Variants in BZW2 observed in about 807,000 individuals in gnomAD.
The protein encoded by BZW2 is basic leucine zipper and W2 domains 2, also known as eIF5-mimic protein 1.
BZW2 carries 23 observed loss-of-function variants against 53.2 expected under a neutral mutation model. The ratio of observed to expected loss-of-function variants is 0.43; its 90% confidence interval spans 0.31 to 0.61. The LOEUF (loss-of-function observed/expected upper bound fraction) is 0.61, where lower values mean the gene tolerates loss of function less well. BZW2 is among the 20% of genes least tolerant of loss of function. The probability of loss-of-function intolerance (pLI) is 0.09; values close to 1 mark genes in which losing one functional copy is unlikely to be tolerated. For synonymous variants in BZW2, 227 were observed against 186.4 expected (o/e 1.22, Z -1.77); for missense variants, 409 against 503.1 (o/e 0.81, Z 1.79).
chr7:16,703,052 C>G (rs1783718007), intron 10 of BZW2, among the ~76,000 whole-genome samples: 1 of 152,166 alleles, frequency 6.6e-6, no homozygotes, highest in Admixed American at 6.5e-5. Flanking sequence ...CAGTCTTACA[C>G]AATAACAGGT....
intron 1 of BZW2, among the ~76,000 whole-genome samples, chr7:16,655,787 T>G (rs1782106555): frequency 6.6e-6 from 1 of 152,176 alleles, no homozygotes; most frequent in Admixed American, 6.5e-5. Flanking sequence ...CCCAAAGTGC[T>G]GGGATTACAG....
At chr7:16,687,701 A>G (rs1783169201) in intron 6 of BZW2, 2 of 152,208 alleles carry the variant, frequency 1.3e-5, no homozygotes, top group Non-Finnish European at 2.9e-5. Flanking sequence ...AGCCTGGGCA[A>G]CAGAGAAAGA....
At chr7:16,664,392 C>A (rs962666761) in intron 1 of BZW2, among the ~76,000 whole-genome samples, 7 of 152,190 alleles carry the variant, frequency 4.6e-5, no homozygotes, top group Non-Finnish European at 5.9e-5. Flanking sequence ...TCAGAGAAGA[C>A]CTCCATTTTC....
intron 7 of BZW2, among the ~76,000 whole-genome samples, chr7:16,691,891 T>A (rs1357132578): frequency 6.6e-6 from 1 of 152,164 alleles, no homozygotes; most frequent in Non-Finnish European, 1.5e-5. Flanking sequence ...TGTGTGTGTG[T>A]GTGTGTGTGT....
intron 1 of BZW2, among the ~76,000 whole-genome samples, chr7:16,651,007 T>A (rs1041514006): frequency 6.6e-6 from 1 of 152,226 alleles, no homozygotes; most frequent in South Asian, 2.1e-4. Flanking sequence ...GGTGTTTCCA[T>A]TGATGTTTTT....
chr7:16,667,524 T>A (rs1427455979), intron 2 of BZW2, among the ~76,000 whole-genome samples: 1 of 152,214 alleles, frequency 6.6e-6, no homozygotes, highest in Non-Finnish European at 1.5e-5. Flanking sequence ...CTAAGCAGCC[T>A]GTGTTCTCTT....
At chr7:16,705,686 A>G (rs1361488791) in intron 11 of BZW2, among the ~76,000 whole-genome samples, 6 of 146,912 alleles carry the variant, frequency 4.1e-5, no homozygotes, top group Non-Finnish European at 9.0e-5. Flanking sequence ...CTCCATCTCA[A>G]AAAAAAAAAA....
intron 3 of BZW2, among the ~76,000 whole-genome samples, chr7:16,680,767 C>A (rs538550407): frequency 6.6e-6 from 1 of 152,014 alleles, no homozygotes; most frequent in East Asian, 1.9e-4. Flanking sequence ...CATAATTGCA[C>A]CACTGCACTC....
intron 1 of BZW2, among the ~76,000 whole-genome samples, chr7:16,653,604 A>G (rs1051513566): frequency 1.1e-4 from 16 of 152,164 alleles, no homozygotes; most frequent in Admixed American, 5.9e-4. Context: ...CTCCTCTACT[A>G]TGTAAAGCTC....
At chr7:16,674,328 A>G in intron 2 of BZW2, 84 bp from the exon 3 acceptor site, 2 of 1,084,114 alleles carry the variant, frequency 1.8e-6, no homozygotes, top group Non-Finnish European at 2.5e-6. Flanking sequence ...CCTATCTTAG[A>G]TAAAATAGAA....
intron 1 of BZW2, chr7:16,662,301 C>T (rs1223782361): frequency 6.6e-6 from 1 of 152,098 alleles, no homozygotes; most frequent in Non-Finnish European, 1.5e-5. Context: ...ATACCAAAGT[C>T]TTTGCATACA....
chr7:16,672,553 A>G (rs962310262), intron 2 of BZW2, among the ~76,000 whole-genome samples: 2 of 151,616 alleles, frequency 1.3e-5, no homozygotes, highest in Non-Finnish European at 2.9e-5. Flanking sequence ...CTGTGATACA[A>G]TTTTTTCTTT....
In BZW2 at chr7:16,682,806, T is replaced by C. The variant is rs924061103; in HGVS notation, c.366T>C (p.Tyr122=). The change falls in exon 5 of 12, where the codon TAT becomes TAC. Residue 122 remains tyrosine, a synonymous_variant. Transcript: ENST00000258761. ...TCTTCAATAAACTCATCAGGAGATATAAGTATTTGGAGAAGGCATTTGAAG... is the reference window on the plus strand; with the variant it reads ...TCTTCAATAAACTCATCAGGAGATACAAGTATTTGGAGAAGGCATTTGAAG... ...AQVFNKLIRR[Y]KYLEKAFEDE... The C allele has an allele frequency of 6.3e-7, 1 of 1,582,888 alleles. No individual in the cohort carries two copies. Among genetic ancestry groups the C allele is most frequent in the Non-Finnish European group, 8.6e-7 (1 of 1,159,762 alleles).
Position 16,674,493 on chromosome 7 carries a change from C to G in BZW2, c.140C>G (p.Ala47Gly). The change falls in exon 3 of 12, where the codon GCT (alanine) becomes GGT (glycine). Residue 47 changes from alanine (A) to glycine (G), a missense_variant. By Grantham distance (60) the Ala-to-Gly change is moderately conservative (BLOSUM62 0). Around this residue, in one of 3 missense-constraint regions of BZW2, gnomAD observed 316 missense variants for 366.8 expected, o/e 0.86. Transcript: ENST00000258761. ...GLNEAGDDLE[A>G]VAKFLDSTGS... ...AATGAGGCTGGTGATGACCTTGAAG[C>G]TGTAGCCAAATTTCTGGACTCTACA... The G allele has an allele frequency of 6.2e-7, 1 of 1,613,692 alleles. No individual in the cohort carries two copies. Among genetic ancestry groups the G allele is most frequent in the Non-Finnish European group, 8.5e-7 (1 of 1,179,730 alleles).
intron 1 of BZW2, among the ~76,000 whole-genome samples, chr7:16,648,474 C>G (rs1052031326): frequency 6.6e-6 from 1 of 152,166 alleles, no homozygotes. Context: ...TTGTATGTGT[C>G]CTCTCATATC....
chr7:16,700,147 A>C (rs796908355), intron 10 of BZW2, among the ~76,000 whole-genome samples: 1 of 152,204 alleles, frequency 6.6e-6, no homozygotes, highest in Non-Finnish European at 1.5e-5. Flanking sequence ...AACCTAAAAC[A>C]CATCACTGAA....
Position 16,646,222 on chromosome 7 carries a change from T to C in BZW2, c.-74T>C, listed in dbSNP as rs1051842920. 3.2e-5 allele frequency: 11 copies of C among 344,388 alleles called. No individual in the cohort carries two copies. Among genetic ancestry groups the C allele is most frequent in the Non-Finnish European group, 6.5e-5 (11 of 168,644 alleles). The allele number at this position is 344,388 out of a possible 1,614,324, so 21.3% of individuals were successfully genotyped here. The stretch of plus-strand genomic sequence containing the variant: ...CCGCCACTGCTGCTGCTGCTGCTGC[T>C]GCCGCTGCTGCTGCACGAATCGCCG... On this transcript the variant is annotated 5_prime_UTR_variant, in exon 1 of 12. Coordinates refer to ENST00000258761, the MANE Select transcript of BZW2 (RefSeq NM_014038.3).
Position 16,704,638 on chromosome 7 carries a change from A to G in BZW2, c.1200A>G (p.Lys400=). ...GTGTTTTTCTTGACCAGATGAAGAA[A>G]TTTGTTGAGTGGTTACAAAATGCAG... The part of the protein sequence containing the change: ...GKSVFLDQMK[K]FVEWLQNAEE... The change falls in exon 11 of 12, where the codon AAA becomes AAG. Residue 400 remains lysine, a synonymous_variant. Transcript: ENST00000258761. 2 of 1,591,766 alleles carry G rather than the reference A, an allele frequency of 1.3e-6. No individual in the cohort carries two copies. The highest frequency in any genetic ancestry group is 1.7e-6 in the Non-Finnish European group (2 of 1,163,128).
intron 11 of BZW2, among the ~76,000 whole-genome samples, 184 bp from the exon 12 acceptor site, chr7:16,705,876 G>A (rs892339175): frequency 2.6e-5 from 4 of 151,690 alleles, no homozygotes; most frequent in African/African-American, 9.7e-5. Context: ...CAAAATTTAC[G>A]TGAAAGCAGA....
Sources: allele counts gnomAD v4.1 joint callset (sites outside exome capture counted in the v4.1 genomes callset), GRCh38; gene constraint gnomAD v4.1.1; regional missense constraint gnomAD v4.1.1; transcripts MANE v1.5; gene names NCBI Gene and HGNC (gene_info 2026-07-23, HGNC 2026-07-21).